The following DOCK8 variants were observed in gnomAD, a reference collection of about 807,000 sequenced individuals.
The protein encoded by DOCK8 is dedicator of cytokinesis protein 8.
In DOCK8, 141 loss-of-function variants were observed where a neutral mutation model predicts 245.6. That is an observed-to-expected ratio of 0.57 (90% CI 0.50 to 0.66). The LOEUF (loss-of-function observed/expected upper bound fraction) is 0.66. Among genes scored for constraint, DOCK8 ranks in the 30% least tolerant of loss-of-function variants. The probability of loss-of-function intolerance (pLI) is 0.00; values close to 1 mark genes in which losing one functional copy is unlikely to be tolerated. For missense variants in DOCK8, 2,965 were observed against 2,603.4 expected (o/e 1.14, Z -3.02); for synonymous variants, 1,168 against 970.2 (o/e 1.20, Z -3.79).
chr9:373,874 C>G lies in DOCK8; in HGVS notation c.2109+1588C>G, dbSNP rs117542234. On this transcript the variant is annotated intron_variant, in intron 18 of 47. Transcript: ENST00000432829. ...CAACACCTTTCAGTATCCCTCAAAA[C>G]CACCTTCTTATCATCAAGTTGCACA... 2.1e-3 allele frequency among the ~76,000 whole-genome samples: 326 copies of G among 152,290 alleles called. 2 individuals are homozygous for G. The highest frequency in any genetic ancestry group is 3.8e-3 in the Non-Finnish European group (256 of 68,028).
chr9:451,011 A>G (rs1216458056), intron 45 of DOCK8, among the ~76,000 whole-genome samples: 1 of 152,012 alleles, frequency 6.6e-6, no homozygotes, highest in Non-Finnish European at 1.5e-5. Flanking sequence ...GTAGTATTTG[A>G]TTGATAAAAT....
At position 371,534 on chromosome 9, in the gene DOCK8, G is replaced by A; in HGVS notation, c.1975G>A (p.Gly659Arg). 6.2e-7 allele frequency: 1 copy of A among 1,614,174 alleles called. No homozygotes were observed. The highest frequency in any genetic ancestry group is 8.5e-7 in the Non-Finnish European group (1 of 1,180,024). ...FYHISCQQKQ[G>R]ASVETLLGYS... The stretch of plus-strand genomic sequence containing the variant: ...CCATATCAGCTGTCAGCAGAAGCAA[G>A]GAGCCTCCGTGGAAACTCTCCTGGG... Residue 659 changes from glycine to arginine, a missense_variant, in exon 17 of 48, where the codon GGA becomes AGA. This residue lies in a region of DOCK8 where 2,825 missense variants were observed against 2,453.5 expected (regional missense o/e 1.15). Transcript: ENST00000432829.
chr9:389,953 G>A lies in DOCK8; in HGVS notation c.2875-518G>A, dbSNP rs532420065. The stretch of plus-strand genomic sequence containing the variant: ...TAGGTGGGAGGATTGCTTGAGCCAG[G>A]GAAGTTGCAGTGAGCGAGATTACGC... On this transcript the variant is annotated intron_variant, in intron 23 of 47. Coordinates refer to ENST00000432829, the MANE Select transcript of DOCK8 (RefSeq NM_203447.4). Among the ~76,000 whole-genome samples the A allele has an allele frequency of 8.9e-4, 135 of 152,200 alleles. 1 individual carries two copies. Among genetic ancestry groups the A allele is most frequent in the Admixed American group, 2.8e-3 (43 of 15,286 alleles).
At position 404,963 on chromosome 9, in the gene DOCK8, C is replaced by G. The variant is rs753416014; in HGVS notation, c.3280C>G (p.Leu1094Val). 1 of 1,614,038 alleles carries G rather than the reference C, an allele frequency of 6.2e-7. No individual in the cohort carries two copies. The highest frequency in any genetic ancestry group is 2.2e-5 in the East Asian group (1 of 44,874). The change falls in exon 27 of 48, where the codon CTA becomes GTA. Residue 1094 changes from leucine to valine, a missense_variant. Leu to Val is a conservative substitution (Grantham distance 32). This residue lies in a region of DOCK8 where 2,825 missense variants were observed against 2,453.5 expected (regional missense o/e 1.15). Coordinates refer to ENST00000432829, the MANE Select transcript of DOCK8 (RefSeq NM_203447.4). ...CCTTCCAACGCTCATTTCCATGAGGCTAGAGTTCCTGAGAATCCTCTGTAG... is the reference window on the plus strand; with the variant it reads ...CCTTCCAACGCTCATTTCCATGAGGGTAGAGTTCCTGAGAATCCTCTGTAG... ...SNLPTLISMR[L>V]EFLRILCSHE...
At position 446,539 on chromosome 9, in the gene DOCK8, C is replaced by G. The variant is rs1209512950; in HGVS notation, c.5750C>G (p.Thr1917Arg). The G allele has an allele frequency of 6.2e-7, 1 of 1,614,214 alleles. No homozygotes were observed. The highest frequency in any genetic ancestry group is 8.5e-7 in the Non-Finnish European group (1 of 1,180,040). Reference sequence around the variant, plus strand: ...CTGCATGAGCAGTACAGAAGGAACACAGTCCTGACCACTATGCACGCCTTC... The same window carrying G: ...CTGCATGAGCAGTACAGAAGGAACAGAGTCCTGACCACTATGCACGCCTTC... ...GELHEQYRRN[T>R]VLTTMHAFPY... Residue 1917 changes from threonine to arginine, a missense_variant, in exon 44 of 48, where the codon ACA (threonine) becomes AGA (arginine). Physicochemically the swap from Thr to Arg is moderately conservative, Grantham distance 71. Transcript: ENST00000432829.
intron 2 of DOCK8, among the ~76,000 whole-genome samples, chr9:277,443 G>A (rs1454941174): frequency 1.6e-5 from 2 of 124,888 alleles, no homozygotes; most frequent in Admixed American, 8.8e-5. Context: ...AAAGAGAAGA[G>A]AGGAGAAGAG....
chr9:399,596 G>A (rs1252653042), intron 26 of DOCK8, among the ~76,000 whole-genome samples: 1 of 152,070 alleles, frequency 6.6e-6, no homozygotes, highest in Non-Finnish European at 1.5e-5. Context: ...ACAAGTCCTT[G>A]CGCTCCCAGT....
intron 2 of DOCK8, among the ~76,000 whole-genome samples, chr9:272,313 C>T (rs1037862337): frequency 2.0e-5 from 3 of 152,278 alleles, no homozygotes; most frequent in Admixed American, 6.5e-5. Context: ...CTCCAACTCA[C>T]GCAATCTCTG....
At position 382,661 on chromosome 9, in the gene DOCK8, A is replaced by C; in HGVS notation, c.2754A>C (p.Glu918Asp). 1 of 1,614,210 alleles carries C rather than the reference A, an allele frequency of 6.2e-7. No individual in the cohort carries two copies. The highest frequency in any genetic ancestry group is 8.5e-7 in the Non-Finnish European group (1 of 1,180,026). The change falls in exon 22 of 48, where the codon GAA becomes GAC. Residue 918 changes from glutamate to aspartate, a missense_variant. By Grantham distance (45) the Glu-to-Asp change is conservative. Coordinates refer to ENST00000432829, the MANE Select transcript of DOCK8 (RefSeq NM_203447.4). The part of the protein sequence containing the change: ...LAGTHSAADE[E>D]VKNIMSSKIA... ...GGACACACTCCGCAGCAGACGAGGA[A>C]GTGAAGAACATCATGTCTTCAAAGG...
intron 30 of DOCK8, among the ~76,000 whole-genome samples, chr9:418,910 T>C (rs2056152691): frequency 2.0e-5 from 3 of 152,070 alleles, no homozygotes. Flanking sequence ...TGAAGGAGGC[T>C]GGTAGCTTAG....
chr9:257,976 G>A (rs919664546), intron 1 of DOCK8, among the ~76,000 whole-genome samples: 1 of 152,226 alleles, frequency 6.6e-6, no homozygotes, highest in African/African-American at 2.4e-5. Flanking sequence ...AATAGAGAGT[G>A]TGCATGAAAA....
At chr9:278,584 A>G (rs1461369808) in intron 2 of DOCK8, among the ~76,000 whole-genome samples, 1 of 152,260 alleles carries the variant, frequency 6.6e-6, no homozygotes, top group African/African-American at 2.4e-5. Flanking sequence ...ATCGTGACCC[A>G]GAAGAGATGC....
intron 1 of DOCK8, among the ~76,000 whole-genome samples, chr9:244,218 C>G (rs369155655): frequency 1.0e-3 from 157 of 150,062 alleles, no homozygotes; most frequent in African/African-American, 3.7e-3. Flanking sequence ...AATTTTAGCT[C>G]TCAAAGTTTT....
At chr9:309,099 A>G (rs1318325151) in intron 5 of DOCK8, among the ~76,000 whole-genome samples, 2 of 152,332 alleles carry the variant, frequency 1.3e-5, no homozygotes, top group East Asian at 3.9e-4. Context: ...TTGCCCTCAC[A>G]TTCTTGCACA....
chr9:214,660 C>A, upstream of DOCK8: 4 of 1,600,964 alleles, frequency 2.5e-6, no homozygotes, highest in Non-Finnish European at 3.4e-6. Context: ...TCCCTTCGGC[C>A]GGAGGTCGGC....
At chr9:391,078 CTTTTGGTGCTT>C (rs557221826) in intron 24 of DOCK8, among the ~76,000 whole-genome samples, 1 of 152,316 alleles carries the variant, frequency 6.6e-6, no homozygotes, top group Admixed American at 6.5e-5. Context: ...ACATGGTCCT[CTTTTGGTGCTT>C]TGAAGATGCC....
chr9:227,255 T>A (rs545372011), intron 1 of DOCK8, among the ~76,000 whole-genome samples: 1 of 152,218 alleles, frequency 6.6e-6, no homozygotes, highest in East Asian at 1.9e-4. Flanking sequence ...TGAGAAATTA[T>A]GAAAATTGGA....
At chr9:349,579 C>T (rs183174575) in intron 14 of DOCK8, among the ~76,000 whole-genome samples, 76 of 152,302 alleles carry the variant, frequency 5.0e-4, no homozygotes, top group Middle Eastern at 6.8e-3. Flanking sequence ...CCAAGCTGGT[C>T]GTTCCTTTTA....
rs1000434680 is a variant in DOCK8, at chr9:265,622, T to C, written c.54-6005T>C. Among the ~76,000 whole-genome samples, 19 of 152,202 alleles carry C rather than the reference T, an allele frequency of 1.2e-4. No individual in the cohort carries two copies. The East Asian group carries it at 1.3e-3, about 11-fold the overall frequency. On this transcript the variant is annotated intron_variant, in intron 1 of 47. Coordinates refer to ENST00000432829, the MANE Select transcript of DOCK8 (RefSeq NM_203447.4). ...AATACTTATAGACAAAGTTTTTTTT[T>C]CCTTAAATCAGTTTTAAAATCCATC...
Sources: gnomAD v4.1 joint callset for allele counts (sites outside exome capture counted in the v4.1 genomes callset) on GRCh38, gnomAD v4.1.1 for gene constraint, gnomAD v4.1.1 regional missense constraint, MANE v1.5 for transcripts, NCBI Gene and HGNC (gene_info 2026-07-23, HGNC 2026-07-21) for gene names.